ALPK2: variants seen among roughly 807,000 people sequenced by gnomAD.
The protein encoded by ALPK2 is alpha-protein kinase 2.
A neutral mutation model predicts 163.1 loss-of-function variants in ALPK2; 127 were observed. The ratio of observed to expected loss-of-function variants is 0.78; its 90% CI spans 0.67 to 0.90. The LOEUF is 0.90. ALPK2 is among the 40% of genes least tolerant of loss of function. The probability of loss-of-function intolerance (pLI) is 0.00; values close to 1 mark genes in which losing one functional copy is unlikely to be tolerated. For missense variants in ALPK2, 2,360 were observed against 2,589.6 expected (o/e 0.91, Z 1.92); for synonymous variants, 953 against 959.1 (o/e 0.99, Z 0.12).
intron 4 of ALPK2, among the ~76,000 whole-genome samples, chr18:58,572,860 C>T (rs1438577184): frequency 6.6e-6 from 1 of 152,114 alleles, no homozygotes; most frequent in Non-Finnish European, 1.5e-5. Context: ...TACACACATA[C>T]GAGTACAACT....
In ALPK2 at chr18:58,504,140, G is replaced by A. The variant is rs780252761; in HGVS notation, c.6038C>T (p.Pro2013Leu). Residue 2013 changes from proline to leucine, a missense_variant, in exon 11 of 13, where the codon CCT becomes CTT. Coordinates refer to ENST00000361673, the MANE Select transcript of ALPK2 (RefSeq NM_052947.4). ...CTCAGGCCGATGGATAAGAAAAATAGGAATGATCCTGGCAGGGAAGAGAAC... is the reference window on the plus strand; with the variant it reads ...CTCAGGCCGATGGATAAGAAAAATAAGAATGATCCTGGCAGGGAAGAGAAC... ...EGFGEVPEII[P>L]IFLIHRPENN... is the part of the protein sequence containing the mutation. 7.4e-6 allele frequency: 12 copies of A among 1,613,906 alleles called. No homozygotes were observed. The highest frequency in any genetic ancestry group is 1.0e-5 in the Non-Finnish European group (12 of 1,179,830).
intron 8 of ALPK2, among the ~76,000 whole-genome samples, chr18:58,518,910 TG>T (rs1287547113): frequency 6.6e-6 from 1 of 152,256 alleles, no homozygotes; most frequent in African/African-American, 2.4e-5. Flanking sequence ...TGAGCACTTC[TG>T]GAGTATCTCC....
chr18:58,620,247 C>T (rs561617289), intron 1 of ALPK2, among the ~76,000 whole-genome samples: 3 of 152,282 alleles, frequency 2.0e-5, no homozygotes, highest in South Asian at 2.1e-4. Context: ...GCCGAGATCA[C>T]GCCATTGCAC....
intron 10 of ALPK2, among the ~76,000 whole-genome samples, chr18:58,507,654 T>C (rs1213896705): frequency 6.6e-6 from 1 of 152,206 alleles, no homozygotes; most frequent in African/African-American, 2.4e-5. Flanking sequence ...GGTTCTGTGA[T>C]TGCCACTCAG....
intron 3 of ALPK2, among the ~76,000 whole-genome samples, chr18:58,604,761 C>T (rs1421560927): frequency 6.6e-6 from 1 of 152,148 alleles, no homozygotes; most frequent in African/African-American, 2.4e-5. Context: ...GTCAAATCTT[C>T]AATTTTCATG....
Position 58,607,360 on chromosome 18 carries a change from G to T in ALPK2, c.189C>A (p.Phe63Leu), listed in dbSNP as rs766605419. ...ACACATGAATATACTGATTCTCAAA[G>T]AATTCATAGTTGGAAATAATGCCAC... is the stretch of plus-strand genomic sequence containing the variant. ...DGSGIISNYEFFENQYIHVLH... is the reference protein window; with the variant it reads ...DGSGIISNYELFENQYIHVLH... The change falls in exon 3 of 13, where the codon TTC becomes TTA. Residue 63 changes from phenylalanine to leucine, a missense_variant. By Grantham distance (22) the Phe-to-Leu change is conservative. Coordinates refer to ENST00000361673, the MANE Select transcript of ALPK2 (RefSeq NM_052947.4). 4 of 1,613,550 alleles carry T rather than the reference G, an allele frequency of 2.5e-6. No homozygotes were observed. In the South Asian group the frequency reaches 3.3e-5, roughly 13 times the overall value.
At chr18:58,560,001 A>AGTGAG (rs1254102987) in intron 4 of ALPK2, among the ~76,000 whole-genome samples, 1 of 152,148 alleles carries the variant, frequency 6.6e-6, no homozygotes, top group East Asian at 1.9e-4. Context: ...ACTGGGCTAC[A>AGTGAG]ATTAAGGTGT....
chr18:58,534,790 A>G, intron 5 of ALPK2, 44 bp downstream of exon 5: 2 of 1,551,546 alleles, frequency 1.3e-6, no homozygotes, highest in Non-Finnish European at 8.7e-7. Flanking sequence ...TACCTGGTCT[A>G]CAAGCCCAAA....
rs775246832 is a variant in ALPK2 at position 58,535,343 on chromosome 18, T to C, written c.4844A>G (p.Glu1615Gly). 1 of 1,614,160 alleles carries C rather than the reference T, an allele frequency of 6.2e-7. No individual in the cohort carries two copies. Among genetic ancestry groups the C allele is most frequent in the South Asian group, 1.1e-5 (1 of 91,074 alleles). ...LTRFPCTSSPEGNVTDFLISH... is the reference protein window; with the variant it reads ...LTRFPCTSSPGGNVTDFLISH... ...TATCAAAAAGTCTGTGACATTTCCT[T>C]CAGGAGATGAAGTACAAGGGAACCT... Residue 1615 changes from glutamate (E) to glycine (G), a missense_variant, in exon 5 of 13, where the codon GAA (glutamate) becomes GGA (glycine). Glu to Gly is a moderately conservative substitution (Grantham distance 98). Coordinates refer to ENST00000361673, the MANE Select transcript of ALPK2 (RefSeq NM_052947.4).
intron 1 of ALPK2, among the ~76,000 whole-genome samples, chr18:58,624,169 G>A (rs1224984110): frequency 6.6e-6 from 1 of 152,188 alleles, no homozygotes; most frequent in Non-Finnish European, 1.5e-5. Flanking sequence ...CCAATCACAT[G>A]TGGCACTCTC....
intron 6 of ALPK2, among the ~76,000 whole-genome samples, chr18:58,525,990 A>G (rs2051582817): frequency 7.5e-6 from 1 of 132,894 alleles, no homozygotes; most frequent in South Asian, 2.5e-4. Flanking sequence ...AAAAAAAGGC[A>G]CAGTCCTTGC....
chr18:58,553,989 G>A (rs2051775162), intron 4 of ALPK2, among the ~76,000 whole-genome samples: 1 of 149,880 alleles, frequency 6.7e-6, no homozygotes, highest in Non-Finnish European at 1.5e-5. Flanking sequence ...AGCCTCCTGA[G>A]TACCTGGGAA....
At chr18:58,571,856 A>G (rs899240991) in intron 4 of ALPK2, among the ~76,000 whole-genome samples, 1 of 151,840 alleles carries the variant, frequency 6.6e-6, no homozygotes, top group Non-Finnish European at 1.5e-5. Context: ...GGCGCCTGTA[A>G]TCCCAGCTAC....
At chr18:58,485,431 A>G (rs2051333673) in intron 12 of ALPK2, among the ~76,000 whole-genome samples, 1 of 152,182 alleles carries the variant, frequency 6.6e-6, no homozygotes, top group African/African-American at 2.4e-5. Flanking sequence ...GGCAGCCTGC[A>G]GCTCCACCCT....
intron 12 of ALPK2, 95 bp from the exon 13 acceptor site, chr18:58,482,134 T>C: frequency 1.2e-6 from 1 of 855,952 alleles, no homozygotes; most frequent in South Asian, 1.5e-5. Flanking sequence ...TAATGGTGCA[T>C]GGAACATATA....
intron 11 of ALPK2, among the ~76,000 whole-genome samples, 195 bp downstream of exon 11, chr18:58,503,736 G>GC (rs1427131831): frequency 6.6e-6 from 1 of 152,062 alleles, no homozygotes; most frequent in Non-Finnish European, 1.5e-5. Flanking sequence ...AAATGAAATG[G>GC]CCCTCTGGCT....
Position 58,536,663 on chromosome 18 carries a change from G to GA in ALPK2, c.3523dup (p.Ser1175PhefsTer6). The GA allele has an allele frequency of 4.3e-6, 7 of 1,614,176 alleles. No individual in the cohort carries two copies. Among genetic ancestry groups the GA allele is most frequent in the Non-Finnish European group, 5.9e-6 (7 of 1,180,014 alleles). ...TGCTCCTTCCCTAGAGCTTGCGGGT[G>GA]AGTGGGCCGTGGGCACCAAGTTTCT... is the stretch of plus-strand genomic sequence containing the variant. On this transcript the variant is annotated frameshift_variant, in exon 5 of 13. Coordinates refer to ENST00000361673, the MANE Select transcript of ALPK2 (RefSeq NM_052947.4).
chr18:58,572,000 G>A (rs1466487327), intron 4 of ALPK2, among the ~76,000 whole-genome samples: 1 of 139,308 alleles, frequency 7.2e-6, no homozygotes, highest in African/African-American at 2.6e-5. Flanking sequence ...AAAAAAAAAG[G>A]TGTGTAAACC....
chr18:58,542,517 A>T (rs1374955435), intron 4 of ALPK2, among the ~76,000 whole-genome samples: 1 of 152,224 alleles, frequency 6.6e-6, no homozygotes, highest in Non-Finnish European at 1.5e-5. Flanking sequence ...CAATCATAGA[A>T]ACCACACAGT....
Sources: gnomAD v4.1 joint callset for allele counts (sites outside exome capture counted in the v4.1 genomes callset) on GRCh38, gnomAD v4.1.1 for gene constraint, MANE v1.5 for transcripts, NCBI Gene and HGNC (gene_info 2026-07-23, HGNC 2026-07-21) for gene names.